KANK1: variants seen among roughly 807,000 people sequenced by gnomAD.
The protein encoded by KANK1 is KN motif and ankyrin repeat domain-containing protein 1.
Under a neutral mutation model 106.2 loss-of-function variants are expected in KANK1, and 109 were observed. The observed-to-expected ratio is 1.03, with a 90% CI of 0.88 to 1.20. The LOEUF (loss-of-function observed/expected upper bound fraction) is 1.20. KANK1 is among the 50% of genes most tolerant of loss of function. The probability of loss-of-function intolerance (pLI) is 0.00; values close to 1 mark genes in which losing one functional copy is unlikely to be tolerated. For synonymous variants in KANK1, 873 were observed against 652.2 expected (o/e 1.34, Z -5.16); for missense variants, 2,399 against 1,710.7 (o/e 1.40, Z -7.10).
intron 1 of KANK1, among the ~76,000 whole-genome samples, chr9:566,199 TA>T (rs1817766895): frequency 6.6e-6 from 1 of 152,252 alleles, no homozygotes; most frequent in Non-Finnish European, 1.5e-5. Context: ...TATTCTTTTT[TA>T]TGGCTGCATA....
At chr9:575,536 G>T (rs1292107354) in intron 1 of KANK1, among the ~76,000 whole-genome samples, 1 of 150,684 alleles carries the variant, frequency 6.6e-6, no homozygotes, top group Non-Finnish European at 1.5e-5. Flanking sequence ...GCCAGGAATG[G>T]TGATGCACAC....
intron 1 of KANK1, among the ~76,000 whole-genome samples, chr9:636,115 A>G (rs1044708439): frequency 6.6e-6 from 1 of 152,190 alleles, no homozygotes; most frequent in Admixed American, 6.5e-5. Flanking sequence ...CTTTCAAACA[A>G]TATGCCTATC....
At chr9:697,373 A>T (rs1564005853) in intron 2 of KANK1, among the ~76,000 whole-genome samples, 1 of 150,854 alleles carries the variant, frequency 6.6e-6, no homozygotes, top group Non-Finnish European at 1.5e-5. Flanking sequence ...TAGAGTCACC[A>T]TTTTTTTTTA....
chr9:530,451 C>T (rs532748430), intron 1 of KANK1, among the ~76,000 whole-genome samples: 17 of 152,150 alleles, frequency 1.1e-4, no homozygotes, highest in African/African-American at 4.1e-4. Context: ...CTGGTTTTCC[C>T]AGTCATTTAT....
intron 1 of KANK1, among the ~76,000 whole-genome samples, chr9:529,244 C>G (rs924572897): frequency 6.6e-6 from 1 of 151,228 alleles, no homozygotes; most frequent in Non-Finnish European, 1.5e-5. Context: ...TACACACACA[C>G]ACACACACAC....
At position 712,470 on chromosome 9, in the gene KANK1, G is replaced by C. The variant is rs1564049625; in HGVS notation, c.1704G>C (p.Trp568Cys). ...TAGGGCCTGAGCTGCCTATGAATTG[G>C]TGGATTGTTAAGGAGAGGGTGGAAA... is the stretch of plus-strand genomic sequence containing the variant. ...KVVGPELPMN[W>C]WIVKERVEMH... Residue 568 changes from tryptophan to cysteine, a missense_variant, in exon 3 of 12, where the codon TGG becomes TGC. Physicochemically the swap from Trp to Cys is radical, Grantham distance 215. Transcript: ENST00000382297. The C allele has an allele frequency of 4.3e-6, 7 of 1,614,076 alleles. No individual in the cohort carries two copies. The highest frequency in any genetic ancestry group is 1.6e-4 in the Middle Eastern group (1 of 6,084).
At chr9:679,480 T>C (rs1300682301) in intron 2 of KANK1, among the ~76,000 whole-genome samples, 1 of 152,166 alleles carries the variant, frequency 6.6e-6, no homozygotes, top group Non-Finnish European at 1.5e-5. Context: ...AGTGGCACGA[T>C]ATCGGCTCAC....
At chr9:558,418 C>A (rs1464092052) in intron 1 of KANK1, among the ~76,000 whole-genome samples, 2 of 152,164 alleles carry the variant, frequency 1.3e-5, no homozygotes, top group Non-Finnish European at 2.9e-5. Context: ...CTGGTTATAA[C>A]GATTTTGTCA....
chr9:515,093 C>G (rs2059219004), intron 1 of KANK1, among the ~76,000 whole-genome samples: 2 of 151,720 alleles, frequency 1.3e-5, no homozygotes, highest in South Asian at 4.1e-4. Flanking sequence ...CCTGTAATCC[C>G]AGCACTTTGG....
At chr9:479,531 G>C (rs2058166578) in intron 3 of KANK1, among the ~76,000 whole-genome samples, 1 of 151,148 alleles carries the variant, frequency 6.6e-6, no homozygotes, top group Middle Eastern at 3.2e-3. Context: ...AGTTAGATGT[G>C]ACTCACTGCA....
chr9:676,985 A>G lies in KANK1; in HGVS notation c.13A>G (p.Thr5Ala), dbSNP rs745745006. The change falls in exon 2 of 12, where the codon ACA (threonine) becomes GCA (alanine). Residue 5 changes from threonine (T) to alanine (A), a missense_variant. Thr to Ala is a moderately conservative substitution (Grantham distance 58, BLOSUM62 0). Coordinates refer to ENST00000382297, the MANE Select transcript of KANK1 (RefSeq NM_015158.5). MAHTTKVNGSASGKA... is the reference protein window; with the variant it reads MAHTAKVNGSASGKA... ...GACTCAAGCCAGCATGGCTCACACC[A>G]CAAAGGTTAACGGCAGTGCCTCAGG... The G allele has an allele frequency of 8.7e-6, 14 of 1,613,908 alleles. No homozygotes were observed. Among genetic ancestry groups the G allele is most frequent in the Non-Finnish European group, 1.1e-5 (13 of 1,179,896 alleles).
intron 1 of KANK1, among the ~76,000 whole-genome samples, chr9:646,334 T>A (rs1442331312): frequency 6.7e-6 from 1 of 148,306 alleles, no homozygotes; most frequent in Non-Finnish European, 1.5e-5. Flanking sequence ...TATATCTACC[T>A]AAAAAAAAAA....
rs769600660 is a variant in KANK1 at position 742,309 on chromosome 9, C to A, written c.3801C>A (p.Gly1267=). ...GADVNIQDDE[G]STALMCASEH... ...ATGTCAACATCCAGGATGACGAGGGCTCCACGGCCCTCATGTGTGCCAGCG... is the reference window on the plus strand; with the variant it reads ...ATGTCAACATCCAGGATGACGAGGGATCCACGGCCCTCATGTGTGCCAGCG... Residue 1267 remains glycine, a synonymous_variant, in exon 10 of 12, where the codon GGC becomes GGA. Transcript: ENST00000382297. 1 of 1,614,090 alleles carries A rather than the reference C, an allele frequency of 6.2e-7. No individual in the cohort carries two copies. Among genetic ancestry groups the A allele is most frequent in the South Asian group, 1.1e-5 (1 of 91,076 alleles).
chr9:605,367 C>G (rs1006549074), intron 1 of KANK1, among the ~76,000 whole-genome samples: 3 of 150,624 alleles, frequency 2.0e-5, no homozygotes, highest in Non-Finnish European at 4.4e-5. Context: ...GATAGTAAAG[C>G]ATTTGCTTAG....
intron 3 of KANK1, among the ~76,000 whole-genome samples, chr9:488,500 AC>A (rs1301936249): frequency 6.6e-6 from 1 of 152,170 alleles, no homozygotes; most frequent in African/African-American, 2.4e-5. Context: ...CTGGATTTGA[AC>A]CTTGTTTCTG....
intron 1 of KANK1, among the ~76,000 whole-genome samples, chr9:533,851 T>C (rs1444155641): frequency 1.3e-5 from 2 of 152,202 alleles, no homozygotes; most frequent in African/African-American, 2.4e-5. Context: ...TGTAGTTGCC[T>C]CTAAGCCATG....
chr9:727,679 C>CGTGTGTGTGTGTGT (rs1564092313), intron 3 of KANK1, among the ~76,000 whole-genome samples: 20 of 121,906 alleles, frequency 1.6e-4, no homozygotes, highest in African/African-American at 6.6e-4. Flanking sequence ...GATAACTTTT[C>CGTGTGTGTGTGTGT]ATGTGTGTGT....
At chr9:726,466 G>A (rs374644205) in intron 3 of KANK1, among the ~76,000 whole-genome samples, 21 of 151,624 alleles carry the variant, frequency 1.4e-4, no homozygotes, top group South Asian at 4.2e-4. Context: ...TGGTGAAACC[G>A]AGTCTCTACT....
chr9:644,386 T>C (rs1381654781), intron 1 of KANK1, among the ~76,000 whole-genome samples: 1 of 150,922 alleles, frequency 6.6e-6, no homozygotes, highest in Non-Finnish European at 1.5e-5. Flanking sequence ...TATAAAGAAA[T>C]ACTGGAGACT....
Sources: allele counts gnomAD v4.1 joint callset (sites outside exome capture counted in the v4.1 genomes callset), GRCh38; gene constraint gnomAD v4.1.1; transcripts MANE v1.5; gene names NCBI Gene and HGNC (gene_info 2026-07-23, HGNC 2026-07-21).